The following DNAH14 variants were observed in gnomAD, a reference collection of about 807,000 sequenced individuals.
DNAH14 encodes the protein dynein axonemal heavy chain 14.
Under a neutral mutation model 520.9 loss-of-function variants are expected in DNAH14, and 478 were observed. The observed-to-expected ratio is 0.92, with a 90% CI of 0.85 to 0.99. The LOEUF is 0.99. Ranked by LOEUF, DNAH14 falls within the 50% of genes least tolerant of loss-of-function variation. The pLI, the probability that DNAH14 is intolerant of heterozygous loss-of-function variation, is 0.00. For missense variants in DNAH14, 4,831 were observed against 5,234.5 expected (o/e 0.92, Z 2.38); for synonymous variants, 1,581 against 1,757.2 (o/e 0.90, Z 2.51).
At chr1:225,334,515 G>A (rs2150306614) in intron 66 of DNAH14, among the ~76,000 whole-genome samples, 1 of 151,930 alleles carries the variant, frequency 6.6e-6, no homozygotes, top group South Asian at 2.1e-4. Context: ...AAAAAAAATT[G>A]TCTTGCTTTG....
chr1:225,175,454 G>T (rs1448442614), intron 36 of DNAH14, among the ~76,000 whole-genome samples: 1 of 151,852 alleles, frequency 6.6e-6, no homozygotes, highest in African/African-American at 2.4e-5. Flanking sequence ...AGTCTTTTAT[G>T]ATCCTTTATA....
intron 23 of DNAH14, among the ~76,000 whole-genome samples, chr1:225,111,620 T>G (rs1418879259): frequency 1.3e-5 from 2 of 152,066 alleles, no homozygotes; most frequent in Admixed American, 6.6e-5. Context: ...TTTGGTCCAT[T>G]TACATTCAGT....
chr1:225,135,126 T>A (rs996931426), intron 27 of DNAH14, among the ~76,000 whole-genome samples: 1 of 152,162 alleles, frequency 6.6e-6, no homozygotes, highest in Non-Finnish European at 1.5e-5. Flanking sequence ...GATTTGCTAA[T>A]TTTTTAAAGG....
Position 225,322,684 on chromosome 1 carries a change from T to G in DNAH14, c.9356T>G (p.Phe3119Cys). 1 of 1,547,510 alleles carries G rather than the reference T, an allele frequency of 6.5e-7. No individual in the cohort carries two copies. The highest frequency in any genetic ancestry group is 2.5e-5 in the East Asian group (1 of 40,748). The part of the protein sequence containing the change: ...AELRVYTRPP[F>C]LVLTVMNAVC... ...TACAGAGTATACACACGGCCTCCCT[T>G]CCTTGTACTGACTGTCATGAATGCA... The change falls in exon 62 of 86, where the codon TTC (phenylalanine) becomes TGC (cysteine). Residue 3119 changes from phenylalanine (F) to cysteine (C), a missense_variant. Transcript: ENST00000682510.
intron 1 of DNAH14, 145 bp downstream of exon 1, chr1:224,929,980 C>G (rs2058571072): frequency 2.0e-6 from 1 of 502,836 alleles, no homozygotes; most frequent in African/African-American, 2.1e-5. Flanking sequence ...GGAGCGCCTC[C>G]GAGTCCCCGC....
intron 10 of DNAH14, among the ~76,000 whole-genome samples, chr1:225,022,913 T>C (rs1262515168): frequency 6.6e-6 from 1 of 152,102 alleles, no homozygotes; most frequent in Non-Finnish European, 1.5e-5. Context: ...CACCCAGCCA[T>C]GAAAAGAACG....
At chr1:225,079,069 T>G in intron 17 of DNAH14, 138 bp from the exon 18 acceptor site, 7 of 803,404 alleles carry the variant, frequency 8.7e-6, no homozygotes, top group Non-Finnish European at 1.4e-5. Flanking sequence ...TATAGCAGTG[T>G]GAGAACAGAC....
At chr1:225,201,069 A>G (rs2086763101) in intron 38 of DNAH14, among the ~76,000 whole-genome samples, 1 of 151,434 alleles carries the variant, frequency 6.6e-6, no homozygotes, top group African/African-American at 2.4e-5. Flanking sequence ...TATTATTATT[A>G]TTATTTTGTC....
chr1:224,932,519 T>A lies in DNAH14; in HGVS notation c.-34+2684T>A, dbSNP rs549131030. 2.0e-5 allele frequency among the ~76,000 whole-genome samples: 3 copies of A among 152,184 alleles called. No homozygotes were observed. The East Asian group carries it at 5.8e-4, about 29-fold the overall frequency. On this transcript the variant is annotated intron_variant, in intron 1 of 85. Transcript: ENST00000682510. ...TGCTTTTGAGGTCTTAGTCACAAAT[T>A]ATTTGCCTAGCCTAATGTCCAGGAG...
At chr1:225,095,317 A>G (rs1379131232) in intron 21 of DNAH14, among the ~76,000 whole-genome samples, 1 of 152,192 alleles carries the variant, frequency 6.6e-6, no homozygotes, top group Non-Finnish European at 1.5e-5. Flanking sequence ...ATATGCAGCC[A>G]TAAAAGAAGA....
At chr1:225,147,523 C>T (rs2080062459) in intron 31 of DNAH14, among the ~76,000 whole-genome samples, 1 of 152,144 alleles carries the variant, frequency 6.6e-6, no homozygotes, top group Admixed American at 6.5e-5. Context: ...TACCAGGACA[C>T]TGATGCAAAT....
chr1:225,110,864 G>A (rs1385978251), intron 23 of DNAH14, among the ~76,000 whole-genome samples: 1 of 151,850 alleles, frequency 6.6e-6, no homozygotes, highest in East Asian at 1.9e-4. Flanking sequence ...TCTTCTTAAT[G>A]TCTTCATTGA....
chr1:225,080,688 G>A lies in DNAH14; in HGVS notation c.3076G>A (p.Val1026Ile). 6.4e-7 allele frequency: 1 copy of A among 1,550,564 alleles called. No individual in the cohort carries two copies. The highest frequency in any genetic ancestry group is 8.7e-7 in the Non-Finnish European group (1 of 1,146,318). Residue 1026 changes from valine (V) to isoleucine (I), a missense_variant, in exon 19 of 86, where the codon GTA (valine) becomes ATA (isoleucine). Transcript: ENST00000682510. Reference protein sequence around the residue: ...WRNSSLQSIDVESVQRNVSKL... With the variant: ...WRNSSLQSIDIESVQRNVSKL... ...GAATAGTTCTCTTCAAAGTATTGAT[G>A]TAGAATCAGTACAGAGAAATGTTTC...
intron 84 of DNAH14, chr1:225,395,984 AAAAG>A (rs2096006016): frequency 6.6e-6 from 1 of 152,248 alleles, no homozygotes; most frequent in Admixed American, 6.5e-5. Context: ...TCTGAGGAGA[AAAAG>A]AAATATTGAA....
At chr1:225,369,305 G>A (rs1214575334) in intron 77 of DNAH14, among the ~76,000 whole-genome samples, 1 of 151,790 alleles carries the variant, frequency 6.6e-6, no homozygotes, top group African/African-American at 2.4e-5. Flanking sequence ...CTATTAAATT[G>A]GGTTACAAAA....
intron 80 of DNAH14, among the ~76,000 whole-genome samples, chr1:225,381,084 A>T (rs1326372124): frequency 1.3e-5 from 2 of 152,254 alleles, no homozygotes; most frequent in Non-Finnish European, 2.9e-5. Context: ...TTTGAGTGCC[A>T]TAAGTAAAGC....
intron 35 of DNAH14, among the ~76,000 whole-genome samples, chr1:225,166,237 TATATTC>T (rs1445640426): frequency 6.6e-6 from 1 of 152,212 alleles, no homozygotes; most frequent in Non-Finnish European, 1.5e-5. Context: ...AGCCTTCTTA[TATATTC>T]ATCTTTTCAT....
At chr1:224,938,680 C>T (rs1463788842) in intron 1 of DNAH14, among the ~76,000 whole-genome samples, 3 of 152,156 alleles carry the variant, frequency 2.0e-5, no homozygotes, top group Admixed American at 6.5e-5. Flanking sequence ...TCCAGCAATT[C>T]CACTACTGAT....
intron 8 of DNAH14, among the ~76,000 whole-genome samples, chr1:225,001,452 C>A (rs545009509): frequency 6.6e-6 from 1 of 152,110 alleles, no homozygotes; most frequent in South Asian, 2.1e-4. Context: ...ATTTTGTTTT[C>A]TTTTGTAATA....
Sources: allele counts gnomAD v4.1 joint callset (sites outside exome capture counted in the v4.1 genomes callset), GRCh38; gene constraint gnomAD v4.1.1; transcripts MANE v1.5; gene names NCBI Gene and HGNC (gene_info 2026-07-23, HGNC 2026-07-21).